Variants in CALN1 observed in about 807,000 individuals in gnomAD.
CALN1 encodes the protein calneuron 1.
CALN1 carries 17 observed loss-of-function variants against 30.6 expected under a neutral mutation model. The observed-to-expected ratio is 0.56, with a 90% CI of 0.38 to 0.83. CALN1 has a LOEUF of 0.83. Ranked by LOEUF, CALN1 falls within the 40% of genes least tolerant of loss-of-function variation. CALN1 has a pLI of 0.00. For missense variants in CALN1, 291 were observed against 354.9 expected (o/e 0.82, Z 1.45); for synonymous variants, 156 against 131.4 (o/e 1.19, Z -1.28).
chr7:71,813,267 A>T (rs968937031), intron 5 of CALN1, among the ~76,000 whole-genome samples: 6 of 151,866 alleles, frequency 4.0e-5, no homozygotes, highest in African/African-American at 1.5e-4. Flanking sequence ...CTGGTTTCGA[A>T]CTCCTGGCCT....
At chr7:72,025,554 G>A (rs1801001628) in intron 4 of CALN1, among the ~76,000 whole-genome samples, 1 of 152,156 alleles carries the variant, frequency 6.6e-6, no homozygotes, top group South Asian at 2.1e-4. Context: ...TCATGCTAGA[G>A]CTGACAGTAA....
At chr7:72,267,582 A>C (rs1427155677) in intron 3 of CALN1, among the ~76,000 whole-genome samples, 1 of 152,270 alleles carries the variant, frequency 6.6e-6, no homozygotes, top group African/African-American at 2.4e-5. Flanking sequence ...GATTCAGTAC[A>C]TGAAAGTGAA....
intron 4 of CALN1, among the ~76,000 whole-genome samples, chr7:72,038,913 G>C (rs1801963006): frequency 6.6e-6 from 1 of 152,212 alleles, no homozygotes; most frequent in South Asian, 2.1e-4. Flanking sequence ...CCTCATGGCT[G>C]CTCTGCCTAT....
chr7:71,959,010 T>C (rs6460699), intron 5 of CALN1, among the ~76,000 whole-genome samples: 54,760 of 152,072 alleles, frequency 0.36, 10,513 homozygotes, highest in African/African-American at 0.48. Flanking sequence ...CATGCCTGTA[T>C]TTTGGGTCAC....
chr7:72,007,460 T>C (rs1354132367), intron 5 of CALN1, among the ~76,000 whole-genome samples: 1 of 152,108 alleles, frequency 6.6e-6, no homozygotes, highest in Non-Finnish European at 1.5e-5. Flanking sequence ...AGCAGGAGAA[T>C]CACTTGAACC....
intron 3 of CALN1, among the ~76,000 whole-genome samples, chr7:72,186,098 G>A (rs918501070): frequency 2.0e-5 from 3 of 152,042 alleles, no homozygotes; most frequent in Non-Finnish European, 2.9e-5. Flanking sequence ...AGTGATGCAT[G>A]GCCATGAACC....
chr7:72,028,158 C>T (rs1327383174), intron 4 of CALN1, among the ~76,000 whole-genome samples: 2 of 151,856 alleles, frequency 1.3e-5, no homozygotes, highest in African/African-American at 4.8e-5. Context: ...CATTCTCTCC[C>T]ACTTGGGAAC....
At chr7:72,391,437 G>A (rs1585643257) in intron 2 of CALN1, among the ~76,000 whole-genome samples, 1 of 152,072 alleles carries the variant, frequency 6.6e-6, no homozygotes, top group East Asian at 1.9e-4. Context: ...TCCCAAAGAG[G>A]TGCACTGCTA....
chr7:72,448,909 G>T (rs2129564661), upstream of CALN1, among the ~76,000 whole-genome samples: 1 of 152,238 alleles, frequency 6.6e-6, no homozygotes, highest in South Asian at 2.1e-4. Flanking sequence ...CCGGCCGCAT[G>T]ATCTTTTTAA....
intron 5 of CALN1, among the ~76,000 whole-genome samples, chr7:71,834,569 A>T (rs1408995915): frequency 1.3e-5 from 2 of 152,152 alleles, no homozygotes; most frequent in African/African-American, 4.8e-5. Flanking sequence ...CTGAGATGGA[A>T]AAGTGAAACT....
chr7:72,489,916 C>T, the CALN1 span, among the ~76,000 whole-genome samples: 1 of 152,230 alleles, frequency 6.6e-6, no homozygotes, highest in Non-Finnish European at 1.5e-5. Flanking sequence ...AGGAAGTCCA[C>T]ATATGGCTGG....
At chr7:71,891,710 A>G (rs1793249562) in intron 5 of CALN1, among the ~76,000 whole-genome samples, 1 of 152,040 alleles carries the variant, frequency 6.6e-6, no homozygotes, top group Admixed American at 6.6e-5. Context: ...TCGGGAAGCC[A>G]AAGTGGGCAG....
the CALN1 span, among the ~76,000 whole-genome samples, chr7:72,468,217 T>C: frequency 6.6e-6 from 1 of 152,220 alleles, no homozygotes; most frequent in Non-Finnish European, 1.5e-5. Context: ...TTTCTGTACA[T>C]GTATTTATTT....
chr7:72,035,960 A>C (rs1801771455), intron 4 of CALN1, among the ~76,000 whole-genome samples: 1 of 152,314 alleles, frequency 6.6e-6, no homozygotes, highest in South Asian at 2.1e-4. Flanking sequence ...ATATGGCTTC[A>C]AGTTACTGTC....
chr7:72,301,139 C>G (rs924720582), intron 2 of CALN1, among the ~76,000 whole-genome samples: 3 of 152,114 alleles, frequency 2.0e-5, no homozygotes, highest in African/African-American at 7.2e-5. Context: ...AGGCTGAAAG[C>G]ATGCAAACTG....
upstream of CALN1, among the ~76,000 whole-genome samples, chr7:72,412,610 C>T (rs1483014795): frequency 2.6e-5 from 4 of 152,156 alleles, no homozygotes; most frequent in Non-Finnish European, 5.9e-5. Context: ...GCCCAGCTGG[C>T]TTCACCTCTC....
Position 72,403,331 on chromosome 7 carries a change from C to G in CALN1, c.39G>C (p.Glu13Asp). ...LPEQPGEGKP[E>D]NEKKGDGGAL... is the part of the protein sequence containing the mutation. ...CTCCTCCGTCCCCCTTTTTCTCATTCTCGGGCTTCCCCTCTCCGGGTTGCT... is the reference window on the plus strand; with the variant it reads ...CTCCTCCGTCCCCCTTTTTCTCATTGTCGGGCTTCCCCTCTCCGGGTTGCT... Residue 13 changes from glutamate to aspartate, a missense_variant, in exon 2 of 7, where the codon GAG (glutamate) becomes GAC (aspartate). This residue lies in a region of CALN1 where 122 missense variants were observed against 103.2 expected (regional missense o/e 1.18). Coordinates refer to ENST00000395275, the MANE Select transcript of CALN1 (RefSeq NM_031468.4). 6.5e-7 allele frequency: 1 copy of G among 1,549,594 alleles called. No homozygotes were observed. Among genetic ancestry groups the G allele is most frequent in the Non-Finnish European group, 8.7e-7 (1 of 1,146,964 alleles).
chr7:72,266,308 C>T (rs961934206), intron 3 of CALN1, among the ~76,000 whole-genome samples: 2 of 152,130 alleles, frequency 1.3e-5, no homozygotes, highest in Non-Finnish European at 2.9e-5. Context: ...AGGTTGAAAG[C>T]CACCAATGTG....
intron 2 of CALN1, among the ~76,000 whole-genome samples, chr7:72,286,160 T>C (rs918409186): frequency 3.3e-5 from 5 of 152,202 alleles, no homozygotes; most frequent in South Asian, 4.1e-4. Flanking sequence ...GAGATTGTTA[T>C]CTACCCAAAT....
Sources: gnomAD v4.1 joint callset for allele counts (sites outside exome capture counted in the v4.1 genomes callset) on GRCh38, gnomAD v4.1.1 for gene constraint, gnomAD v4.1.1 regional missense constraint, MANE v1.5 for transcripts, NCBI Gene and HGNC (gene_info 2026-07-23, HGNC 2026-07-21) for gene names.